GALNTL6: variants seen among roughly 807,000 people sequenced by gnomAD.
GALNTL6 encodes polypeptide N-acetylgalactosaminyltransferase-like 6.
In GALNTL6, 46 loss-of-function variants were observed where a neutral mutation model predicts 73.7. The ratio of observed to expected loss-of-function variants is 0.62; its 90% confidence interval spans 0.49 to 0.80. The LOEUF is 0.80. Ranked by LOEUF, GALNTL6 falls within the 30% of genes least tolerant of loss-of-function variation. The pLI, the probability that GALNTL6 is intolerant of heterozygous loss-of-function variation, is 0.00. For missense variants in GALNTL6, 604 were observed against 755.0 expected (o/e 0.80, Z 2.34); for synonymous variants, 259 against 263.7 (o/e 0.98, Z 0.17).
At chr4:172,254,290 C>A (rs1737993306) in intron 3 of GALNTL6, among the ~76,000 whole-genome samples, 1 of 151,532 alleles carries the variant, frequency 6.6e-6, no homozygotes, top group Non-Finnish European at 1.5e-5. Context: ...AATATGTATC[C>A]CTCAATATAA....
At chr4:172,881,874 T>TA (rs2111190225) in intron 7 of GALNTL6, among the ~76,000 whole-genome samples, 1 of 152,294 alleles carries the variant, frequency 6.6e-6, no homozygotes, top group South Asian at 2.1e-4. Context: ...CTCACCACGC[T>TA]AGCCTCAGCC....
chr4:171,986,275 G>A lies in GALNTL6; in HGVS notation c.138+171557G>A, dbSNP rs1579033302. On this transcript the variant is annotated intron_variant, in intron 2 of 12. Coordinates refer to ENST00000506823, the MANE Select transcript of GALNTL6 (RefSeq NM_001034845.3). ...TAGATAAAGGAAAATTACAGTCAAA[G>A]GGGGGGTGTTCTCTGGCGGGCAGAG... Among the ~76,000 whole-genome samples, 3 of 151,778 alleles carry A rather than the reference G, an allele frequency of 2.0e-5. No individual in the cohort carries two copies. In the South Asian group the frequency reaches 6.2e-4, roughly 32 times the overall value.
chr4:171,851,635 A>G (rs1327478050), intron 2 of GALNTL6, among the ~76,000 whole-genome samples: 1 of 152,192 alleles, frequency 6.6e-6, no homozygotes, highest in East Asian at 1.9e-4. Context: ...AGATTTCTTT[A>G]GAATTAACAC....
Position 172,808,937 on chromosome 4 carries a change from T to C in GALNTL6, c.554-424T>C, listed in dbSNP as rs145572112. On this transcript the variant is annotated intron_variant, in intron 5 of 12. Transcript: ENST00000506823. ...TATTTATCTTTCCTGTTGTTTTACA[T>C]ATATTATTTTCAATACACAAAATAC... Among the ~76,000 whole-genome samples, 127 of 152,338 alleles carry C rather than the reference T, an allele frequency of 8.3e-4. No homozygotes were observed. In the South Asian group the frequency reaches 0.017, roughly 21 times the overall value.
Position 172,724,799 on chromosome 4 carries a change from G to T in GALNTL6, c.554-84562G>T, listed in dbSNP as rs558962702. On this transcript the variant is annotated intron_variant, in intron 5 of 12. Coordinates refer to ENST00000506823, the MANE Select transcript of GALNTL6 (RefSeq NM_001034845.3). ...AAATGATTCAGAAACCTGAGAAAGA[G>T]AAAAAGAAATAAAAGGTGAAAAGCT... 2.0e-5 allele frequency among the ~76,000 whole-genome samples: 3 copies of T among 152,210 alleles called. No homozygotes were observed. The South Asian group carries it at 6.2e-4, about 32-fold the overall frequency.
intron 2 of GALNTL6, among the ~76,000 whole-genome samples, chr4:171,940,939 G>A (rs926501094): frequency 1.3e-5 from 2 of 151,364 alleles, no homozygotes; most frequent in Non-Finnish European, 2.9e-5. Context: ...ATACAATAAG[G>A]TTTTAAAATA....
intron 12 of GALNTL6, among the ~76,000 whole-genome samples, chr4:173,035,009 G>A (rs900974334): frequency 2.6e-5 from 4 of 151,554 alleles, no homozygotes; most frequent in Non-Finnish European, 4.4e-5. Flanking sequence ...TTTTTCATAT[G>A]TTCTTCCTTA....
chr4:172,031,127 C>A (rs1741754410), intron 2 of GALNTL6, among the ~76,000 whole-genome samples: 1 of 152,134 alleles, frequency 6.6e-6, no homozygotes, highest in African/African-American at 2.4e-5. Flanking sequence ...AGCCATGTAT[C>A]ATGATGACAG....
chr4:172,661,322 T>G (rs1433496277), intron 5 of GALNTL6, among the ~76,000 whole-genome samples: 2 of 152,212 alleles, frequency 1.3e-5, no homozygotes, highest in African/African-American at 2.4e-5. Flanking sequence ...GTCTCCAGCC[T>G]GCTGGTCAAC....
At chr4:172,459,827 A>G (rs200605974) in intron 5 of GALNTL6, among the ~76,000 whole-genome samples, 2 of 152,168 alleles carry the variant, frequency 1.3e-5, no homozygotes, top group African/African-American at 4.8e-5. Flanking sequence ...CCATCAAGCT[A>G]CCATTGACTT....
intron 10 of GALNTL6, among the ~76,000 whole-genome samples, chr4:172,974,712 C>T (rs931213482): frequency 6.6e-6 from 1 of 152,214 alleles, no homozygotes; most frequent in Admixed American, 6.5e-5. Flanking sequence ...AATCCCATGC[C>T]TGTCAAGGGC....
At chr4:172,569,795 T>C (rs1237876835) in intron 5 of GALNTL6, among the ~76,000 whole-genome samples, 1 of 152,086 alleles carries the variant, frequency 6.6e-6, no homozygotes, top group Non-Finnish European at 1.5e-5. Flanking sequence ...AAGATTAGGA[T>C]TGGAGACCTA....
intron 7 of GALNTL6, among the ~76,000 whole-genome samples, chr4:172,843,565 C>G (rs894980521): frequency 6.6e-6 from 1 of 152,168 alleles, no homozygotes; most frequent in East Asian, 1.9e-4. Context: ...TTCACCCATA[C>G]AACACTCTTT....
chr4:172,542,830 C>T (rs1312879760), intron 5 of GALNTL6, among the ~76,000 whole-genome samples: 1 of 152,008 alleles, frequency 6.6e-6, no homozygotes, highest in African/African-American at 2.4e-5. Flanking sequence ...CAGTGGCTCA[C>T]ACCTGTAATC....
intron 2 of GALNTL6, among the ~76,000 whole-genome samples, chr4:172,182,247 A>G (rs963342629): frequency 1.3e-5 from 2 of 152,192 alleles, no homozygotes; most frequent in Non-Finnish European, 2.9e-5. Flanking sequence ...CCACTGCTCA[A>G]GGAAATCAGA....
intron 7 of GALNTL6, among the ~76,000 whole-genome samples, chr4:172,854,507 A>G (rs1460345945): frequency 1.3e-5 from 2 of 152,162 alleles, no homozygotes; most frequent in African/African-American, 2.4e-5. Context: ...AAGAATATAC[A>G]TCATTATACA....
At chr4:172,019,720 T>G (rs191666428) in intron 2 of GALNTL6, among the ~76,000 whole-genome samples, 42 of 152,076 alleles carry the variant, frequency 2.8e-4, no homozygotes, top group African/African-American at 9.4e-4. Context: ...ACAAAAATAA[T>G]AGAGACTTCA....
intron 2 of GALNTL6, among the ~76,000 whole-genome samples, chr4:172,008,284 TGC>T (rs573042579): frequency 1.3e-5 from 2 of 152,136 alleles, no homozygotes; most frequent in Non-Finnish European, 2.9e-5. Flanking sequence ...ACAAGCATCT[TGC>T]TTTTAAAGTC....
Position 171,917,417 on chromosome 4 carries a change from G to A in GALNTL6, c.138+102699G>A, listed in dbSNP as rs117540135. On this transcript the variant is annotated intron_variant, in intron 2 of 12. Coordinates refer to ENST00000506823, the MANE Select transcript of GALNTL6 (RefSeq NM_001034845.3). The stretch of plus-strand genomic sequence containing the variant: ...CCATAAGAAGCCTTTGAATAGAACC[G>A]TCATCTTAATAAGACTAAGTAAATC... Among the ~76,000 whole-genome samples, 153 of 152,174 alleles carry A rather than the reference G, an allele frequency of 1.0e-3. 3 individuals carry two copies. In the East Asian group the frequency reaches 0.019, roughly 18 times the overall value.
Sources: allele counts gnomAD v4.1 joint callset (sites outside exome capture counted in the v4.1 genomes callset), GRCh38; gene constraint gnomAD v4.1.1; transcripts MANE v1.5; gene names NCBI Gene and HGNC (gene_info 2026-07-23, HGNC 2026-07-21).